The following ABCA8 variants were observed in gnomAD, a reference collection of about 807,000 sequenced individuals.
ABCA8 encodes ATP binding cassette subfamily A member 8.
A neutral mutation model predicts 192.3 loss-of-function variants in ABCA8; 177 were observed. The ratio of observed to expected loss-of-function variants is 0.92; its 90% CI spans 0.81 to 1.04. The LOEUF (loss-of-function observed/expected upper bound fraction) is 1.04, where lower values mean the gene tolerates loss of function less well. ABCA8 is among the 50% of genes least tolerant of loss of function. The pLI is 0.00. For synonymous variants in ABCA8, 642 were observed against 690.2 expected, an observed-to-expected ratio of 0.93 and a Z score of 1.09; for missense variants, 1,915 against 1,904.8, an observed-to-expected ratio of 1.01 and a Z score of -0.10.
At chr17:68,933,687 G>A (rs4147968) in intron 5 of ABCA8, among the ~76,000 whole-genome samples, 93,121 of 151,942 alleles carry the variant, frequency 0.61, 29,785 homozygotes, top group African/African-American at 0.79. Flanking sequence ...GATATAACAC[G>A]GGCATAATAG....
intron 27 of ABCA8, 46 bp from the exon 28 acceptor site, chr17:68,884,442 T>A: frequency 1.3e-6 from 2 of 1,539,930 alleles, no homozygotes; most frequent in Non-Finnish European, 1.7e-6. Flanking sequence ...TTTTGTTTCC[T>A]GAATTTTGTC....
At chr17:68,929,833 G>A (rs560345179) in intron 7 of ABCA8, 131 bp from the exon 8 acceptor site, 1 of 848,272 alleles carries the variant, frequency 1.2e-6, no homozygotes, top group African/African-American at 1.7e-5. Flanking sequence ...TTATTTATTG[G>A]GTGTTCTAAG....
chr17:68,933,662 CT>C, intron 5 of ABCA8, among the ~76,000 whole-genome samples: 1 of 152,068 alleles, frequency 6.6e-6, no homozygotes, highest in East Asian at 1.9e-4. Flanking sequence ...TAAACTAAAG[CT>C]TTTTCTAACA....
At chr17:68,909,777 A>T (rs753343848) in intron 17 of ABCA8, among the ~76,000 whole-genome samples, 44 of 152,266 alleles carry the variant, frequency 2.9e-4, no homozygotes, top group Admixed American at 9.8e-4. Flanking sequence ...TAGGACTTAA[A>T]CAAGTGCAGA....
rs78900166 is a variant in ABCA8, at chr17:68,943,792, C to T, written c.-5-1753G>A. 3.9e-3 allele frequency among the ~76,000 whole-genome samples: 594 copies of T among 152,078 alleles called. 37 individuals carry two copies. In the East Asian group the frequency reaches 0.1, roughly 26 times the overall value. ...TGGCTGAGTGTGGACCCACAGCTTG[C>T]GTGTTTGTTTACAATTACCAGGACC... On this transcript the variant is annotated intron_variant, in intron 2 of 39. Transcript: ENST00000586539.
Position 68,918,167 on chromosome 17 carries a change from G to T in ABCA8, c.1927C>A (p.Pro643Thr), listed in dbSNP as rs1160811447. The change falls in exon 16 of 40, where the codon CCA becomes ACA. Residue 643 changes from proline (P) to threonine (T), a missense_variant. Transcript: ENST00000586539. ...GAAAAGGGATCCAATCCAGCAGTTG[G>T]TTCATCCAACAGGAAAATCTATAAA... Reference protein sequence around the residue: ...GDPQIFLLDEPTAGLDPFSRH... With the variant: ...GDPQIFLLDETTAGLDPFSRH... 1 of 1,614,080 alleles carries T rather than the reference G, an allele frequency of 6.2e-7. No homozygotes were observed. The highest frequency in any genetic ancestry group is 1.1e-5 in the South Asian group (1 of 91,064).
At chr17:68,883,702 G>A (rs2066390629) in intron 29 of ABCA8, 89 bp downstream of exon 29, 2 of 811,626 alleles carry the variant, frequency 2.5e-6, no homozygotes, top group Non-Finnish European at 2.0e-6. Flanking sequence ...TAGCACAACG[G>A]CACCTCTTTG....
chr17:68,869,572 T>G, intron 38 of ABCA8, 128 bp downstream of exon 38: 2 of 709,542 alleles, frequency 2.8e-6, no homozygotes, highest in Admixed American at 2.1e-5. Context: ...TTCCTAAAAT[T>G]CAATTTGAGA....
At chr17:68,908,888 G>A (rs946332702) in intron 17 of ABCA8, among the ~76,000 whole-genome samples, 3 of 152,126 alleles carry the variant, frequency 2.0e-5, no homozygotes, top group African/African-American at 7.2e-5. Context: ...TCGAACAATG[G>A]AATAATAGTG....
intron 16 of ABCA8, among the ~76,000 whole-genome samples, chr17:68,917,734 G>C (rs571842197): frequency 1.1e-4 from 17 of 152,208 alleles, no homozygotes; most frequent in African/African-American, 3.4e-4. Flanking sequence ...AAAATCATTT[G>C]AATATTTCAA....
intron 21 of ABCA8, among the ~76,000 whole-genome samples, chr17:68,899,092 T>C (rs1296707101): frequency 6.6e-6 from 1 of 151,822 alleles, no homozygotes; most frequent in Non-Finnish European, 1.5e-5. Flanking sequence ...TTCAAAAATA[T>C]AATAAAAAAT....
chr17:68,929,107 G>A lies in ABCA8; in HGVS notation c.1067C>T (p.Ser356Phe), dbSNP rs982559760. 1 of 1,602,656 alleles carries A rather than the reference G, an allele frequency of 6.2e-7. No homozygotes were observed. Among genetic ancestry groups the A allele is most frequent in the Non-Finnish European group, 8.5e-7 (1 of 1,173,800 alleles). The stretch of plus-strand genomic sequence containing the variant: ...AAGCAAGCTTAAAATCCACTCCAAG[G>A]ATGCAGGAAGGTGTCTGTACAGTGA... ...FTSLYRHLPA[S>F]LEWILSLLSP... The change falls in exon 9 of 40, where the codon TCC becomes TTC. Residue 356 changes from serine (S) to phenylalanine (F), a missense_variant. Coordinates refer to ENST00000586539, the MANE Select transcript of ABCA8 (RefSeq NM_001288985.2).
Position 68,929,122 on chromosome 17 carries a change from C to T in ABCA8, c.1052G>A (p.Arg351Lys). 3.1e-6 allele frequency: 5 copies of T among 1,609,932 alleles called. No homozygotes were observed. Among genetic ancestry groups the T allele is most frequent in the Non-Finnish European group, 4.2e-6 (5 of 1,177,700 alleles). Residue 351 changes from arginine (R) to lysine (K), a missense_variant, in exon 9 of 40, where the codon AGA becomes AAA. Physicochemically the swap from Arg to Lys is conservative, Grantham distance 26. Transcript: ENST00000586539. ...CCACTCCAAGGATGCAGGAAGGTGT[C>T]TGTACAGTGATGTGAACCCCAGACA... ...WGCLGFTSLYRHLPASLEWIL... is the reference protein window; with the variant it reads ...WGCLGFTSLYKHLPASLEWIL...
intron 4 of ABCA8, among the ~76,000 whole-genome samples, chr17:68,937,589 A>G (rs1472273025): frequency 6.6e-6 from 1 of 152,162 alleles, no homozygotes; most frequent in Admixed American, 6.5e-5. Context: ...TTAAGAAACT[A>G]TGTTGACATC....
chr17:68,926,330 C>T lies in ABCA8; in HGVS notation c.1274-1461G>A, dbSNP rs537441407. 9.3e-4 allele frequency among the ~76,000 whole-genome samples: 142 copies of T among 151,958 alleles called. 1 individual carries two copies. The highest frequency in any genetic ancestry group is 1.6e-3 in the Non-Finnish European group (111 of 67,928). ...AAATAAACAAAAATGAAAAATAATACAACCAGGATGTTTTAATAAGTAGAA... is the reference window on the plus strand; with the variant it reads ...AAATAAACAAAAATGAAAAATAATATAACCAGGATGTTTTAATAAGTAGAA... On this transcript the variant is annotated intron_variant, in intron 10 of 39. Transcript: ENST00000586539.
chr17:68,934,211 G>A (rs955738593), intron 5 of ABCA8, among the ~76,000 whole-genome samples: 1 of 151,658 alleles, frequency 6.6e-6, no homozygotes, highest in African/African-American at 2.4e-5. Context: ...TTATGGTTAT[G>A]GAATCCCATT....
At chr17:68,915,513 C>T (rs556373630) in intron 17 of ABCA8, among the ~76,000 whole-genome samples, 1 of 151,980 alleles carries the variant, frequency 6.6e-6, no homozygotes, top group African/African-American at 2.4e-5. Context: ...GACAAACAGG[C>T]ATATGAAAAA....
intron 5 of ABCA8, among the ~76,000 whole-genome samples, chr17:68,936,007 C>T (rs1244797703): frequency 6.6e-6 from 1 of 152,004 alleles, no homozygotes. Context: ...AAGAAGAATT[C>T]AAACAACTCA....
intron 1 of ABCA8, among the ~76,000 whole-genome samples, chr17:68,950,307 C>T (rs1382776004): frequency 2.0e-5 from 3 of 152,138 alleles, no homozygotes; most frequent in African/African-American, 7.2e-5. Flanking sequence ...CATCAAGCTA[C>T]CATTGACTTT....
Sources: gnomAD v4.1 joint callset for allele counts (sites outside exome capture counted in the v4.1 genomes callset) on GRCh38, gnomAD v4.1.1 for gene constraint, MANE v1.5 for transcripts, NCBI Gene and HGNC (gene_info 2026-07-23, HGNC 2026-07-21) for gene names.